The following CASP4 variants were observed in gnomAD, a reference collection of about 807,000 sequenced individuals.
CASP4 encodes the protein caspase 4.
In CASP4, 29 loss-of-function variants were observed where a neutral mutation model predicts 41.3. The ratio of observed to expected loss-of-function variants is 0.70; its 90% CI spans 0.52 to 0.96. The LOEUF is 0.96. Among genes scored for constraint, CASP4 ranks in the 40% least tolerant of loss-of-function variants. CASP4 has a pLI of 0.00. For missense variants in CASP4, 447 were observed against 460.6 expected (o/e 0.97, Z 0.27); for synonymous variants, 185 against 158.4 (o/e 1.17, Z -1.26).
chr11:104,953,137 C>A (rs901303069), intron 2 of CASP4, among the ~76,000 whole-genome samples: 1 of 151,984 alleles, frequency 6.6e-6, no homozygotes, highest in Non-Finnish European at 1.5e-5. Flanking sequence ...AGCATGAAAG[C>A]AAATCATTTC....
At position 104,947,141 on chromosome 11, in the gene CASP4, A is replaced by T. The variant is rs758007515; in HGVS notation, c.977T>A (p.Leu326His). 6.2e-7 allele frequency: 1 copy of T among 1,613,196 alleles called. No individual in the cohort carries two copies. The highest frequency in any genetic ancestry group is 8.5e-7 in the Non-Finnish European group (1 of 1,179,318). Residue 326 changes from leucine to histidine, a missense_variant, in exon 7 of 9, where the codon CTC (leucine) becomes CAC (histidine). By Grantham distance (99) the Leu-to-His change is moderately conservative. Coordinates refer to ENST00000444739, the MANE Select transcript of CASP4 (RefSeq NM_001225.4). ...STMGSIFITQ[L>H]ITCFQKYSWC... Reference sequence around the variant, plus strand: ...AGAATATTTCTGGAAGCATGTGATGAGTTGTGTGATGAAGATAGAGCCCAT... The same window carrying T: ...AGAATATTTCTGGAAGCATGTGATGTGTTGTGTGATGAAGATAGAGCCCAT...
At chr11:104,957,399 T>C (rs549665682) in intron 1 of CASP4, among the ~76,000 whole-genome samples, 1 of 152,272 alleles carries the variant, frequency 6.6e-6, no homozygotes, top group South Asian at 2.1e-4. Context: ...GGTGAGACTA[T>C]GTCTCTACAA....
intron 3 of CASP4, chr11:104,951,681 T>C: frequency 1.7e-6 from 1 of 579,340 alleles, no homozygotes; most frequent in Non-Finnish European, 3.1e-6. Context: ...AAATACCAAT[T>C]TTCTTTCAAC....
chr11:104,967,676 A>T (rs959528995), intron 1 of CASP4, among the ~76,000 whole-genome samples: 1 of 152,222 alleles, frequency 6.6e-6, no homozygotes, highest in Non-Finnish European at 1.5e-5. Context: ...AGGGTATTTA[A>T]GATTGAGCTA....
rs1369632008 is a variant in CASP4, at chr11:104,954,797, A to T, written c.212T>A (p.Met71Lys). 1 of 1,613,724 alleles carries T rather than the reference A, an allele frequency of 6.2e-7. No individual in the cohort carries two copies. Residue 71 changes from methionine (M) to lysine (K), a missense_variant, in exon 2 of 9, where the codon ATG (methionine) becomes AAG (lysine). Physicochemically the swap from Met to Lys is moderately conservative, Grantham distance 95. Transcript: ENST00000444739. ...TATGTTAAAAAAGGTTTGAAGAAGC[A>T]TTTGTCCTGCCATACGTTGCTTCTC... Reference protein sequence around the residue: ...MQEKQRMAGQMLLQTFFNIDQ... With the variant: ...MQEKQRMAGQKLLQTFFNIDQ...
intron 1 of CASP4, among the ~76,000 whole-genome samples, chr11:104,962,234 C>T (rs1009068552): frequency 2.0e-5 from 3 of 151,792 alleles, no homozygotes; most frequent in Admixed American, 6.6e-5. Flanking sequence ...GATCAGAAGC[C>T]GTTCCGTTCT....
intron 1 of CASP4, among the ~76,000 whole-genome samples, chr11:104,961,105 G>A (rs1227511625): frequency 9.8e-5 from 15 of 152,356 alleles, no homozygotes; most frequent in Admixed American, 1.3e-4. Flanking sequence ...TGGTGCCCCC[G>A]CTCCAGCGAT....
intron 1 of CASP4, among the ~76,000 whole-genome samples, chr11:104,957,828 G>A (rs1860769370): frequency 6.6e-6 from 1 of 151,632 alleles, no homozygotes; most frequent in East Asian, 1.9e-4. Flanking sequence ...CCCTGAATAG[G>A]CAAAGCAATT....
chr11:104,945,185 T>C (rs555276608), intron 7 of CASP4, among the ~76,000 whole-genome samples: 2 of 152,282 alleles, frequency 1.3e-5, no homozygotes, highest in Admixed American at 6.5e-5. Flanking sequence ...AAGGACTCTG[T>C]ACTTTCAACA....
At chr11:104,954,597 A>C in intron 2 of CASP4, 150 bp downstream of exon 2, 1 of 729,854 alleles carries the variant, frequency 1.4e-6, no homozygotes, top group Non-Finnish European at 2.3e-6. Context: ...ACAAAAGGGA[A>C]GTGGTCTCTA....
chr11:104,952,639 A>T (rs1021421230), intron 2 of CASP4, among the ~76,000 whole-genome samples: 4 of 152,216 alleles, frequency 2.6e-5, no homozygotes, highest in African/African-American at 9.7e-5. Flanking sequence ...ACAGATAAAT[A>T]CATACATACA....
chr11:104,951,534 T>C, intron 3 of CASP4: 1 of 281,584 alleles, frequency 3.6e-6, no homozygotes, highest in South Asian at 5.0e-5. Flanking sequence ...CAAGTATCCT[T>C]CATGTCTAGA....
Position 104,949,595 on chromosome 11 carries a change from G to A in CASP4, c.729C>T (p.Cys243=). The A allele has an allele frequency of 6.2e-7, 1 of 1,613,956 alleles. No individual in the cohort carries two copies. Among genetic ancestry groups the A allele is most frequent in the East Asian group, 2.2e-5 (1 of 44,882 alleles). The change falls in exon 5 of 9, where the codon TGC becomes TGT. Residue 243 remains cysteine (C), a synonymous_variant. Transcript: ENST00000444739. ...CCTTGGGTTTGTCCTTCAGACTGAG[G>A]CAGTTGCGGTTGTTGAATATCTGGA... ...TIFQIFNNRN[C]LSLKDKPKVI... is the part of the protein sequence containing the mutation.
intron 8 of CASP4, 122 bp from the exon 9 acceptor site, chr11:104,943,095 A>C: frequency 1.0e-5 from 4 of 393,452 alleles, no homozygotes; most frequent in South Asian, 7.4e-5. Context: ...CTTGACTTCC[A>C]TCTGTGACAT....
chr11:104,946,865 A>T, intron 7 of CASP4: 1 of 366,528 alleles, frequency 2.7e-6, no homozygotes, highest in Non-Finnish European at 5.0e-6. Context: ...CCATAACATA[A>T]AGCTTATGGT....
intron 1 of CASP4, among the ~76,000 whole-genome samples, chr11:104,962,212 G>A (rs1367046731): frequency 6.6e-6 from 1 of 151,984 alleles, no homozygotes; most frequent in African/African-American, 2.4e-5. Flanking sequence ...ACTATGGTGA[G>A]GTGAGCAGGC....
At chr11:104,965,366 G>T (rs1366235144) in intron 1 of CASP4, among the ~76,000 whole-genome samples, 1 of 152,176 alleles carries the variant, frequency 6.6e-6, no homozygotes, top group Non-Finnish European at 1.5e-5. Context: ...TCACCTTGGG[G>T]TTCACTCTAA....
rs954377733 is a variant in CASP4, at chr11:104,943,177, A to C, written c.*6-204T>G. ...GCATATTACTTCTTTTTTCTAAAGC[A>C]CTAGAAAGGCTTCCTGTCTCGCTCA... On this transcript the variant is annotated intron_variant, in intron 8 of 8. Transcript: ENST00000444739. 1.2e-5 allele frequency: 4 copies of C among 332,576 alleles called. No homozygotes were observed. The Admixed American group carries it at 1.6e-4, about 14-fold the overall frequency. 20.6% of individuals were successfully genotyped at this position (332,576 alleles called of 1,614,324 possible).
rs114723658 is a variant in CASP4 at position 104,953,646 on chromosome 11, C to G, written c.262+1101G>C. Among the ~76,000 whole-genome samples the G allele has an allele frequency of 2.6e-3, 397 of 152,206 alleles. 3 individuals are homozygous for G. The highest frequency in any genetic ancestry group is 9.0e-3 in the African/African-American group (373 of 41,524). ...CATAGAGGAGTGCTGATTGAAAAAG[C>G]TCATTTGATATAGTGAGGTCTCAAC... is the stretch of plus-strand genomic sequence containing the variant. On this transcript the variant is annotated intron_variant, in intron 2 of 8. Coordinates refer to ENST00000444739, the MANE Select transcript of CASP4 (RefSeq NM_001225.4).
Sources: gnomAD v4.1 joint callset for allele counts (sites outside exome capture counted in the v4.1 genomes callset) on GRCh38, gnomAD v4.1.1 for gene constraint, MANE v1.5 for transcripts, NCBI Gene and HGNC (gene_info 2026-07-23, HGNC 2026-07-21) for gene names.